The following TMX4 variants were observed in gnomAD, a reference collection of about 807,000 sequenced individuals.
TMX4 encodes the protein thioredoxin related transmembrane protein 4.
TMX4 carries 23 observed loss-of-function variants against 33.3 expected under a neutral mutation model. That is an observed-to-expected ratio of 0.69 (90% confidence interval 0.50 to 0.98). The LOEUF (loss-of-function observed/expected upper bound fraction) is 0.98. TMX4 is among the 50% of genes least tolerant of loss of function. TMX4 has a pLI of 0.00. For synonymous variants in TMX4, 164 were observed against 161.5 expected (o/e 1.02, Z -0.12); for missense variants, 399 against 448.9 (o/e 0.89, Z 1.01).
intron 1 of TMX4, among the ~76,000 whole-genome samples, chr20:8,018,521 AGAGAG>A (rs2050793276): frequency 4.8e-5 from 2 of 42,096 alleles, no homozygotes; most frequent in Non-Finnish European, 7.1e-5. Context: ...AGAGAGAGAG[AGAGAG>A]AGTCTGCAAG....
At chr20:7,997,697 C>T (rs1467518201) in intron 4 of TMX4, among the ~76,000 whole-genome samples, 2 of 152,232 alleles carry the variant, frequency 1.3e-5, no homozygotes, top group African/African-American at 4.8e-5. Flanking sequence ...CTCTCGTACT[C>T]CTTTGTTCAA....
chr20:7,983,745 T>C (rs1287770703), intron 7 of TMX4, 49 bp downstream of exon 7: 1 of 1,537,696 alleles, frequency 6.5e-7, no homozygotes, highest in Non-Finnish European at 9.0e-7. Flanking sequence ...AAAAGGCACA[T>C]CACAGAATTC....
At position 7,979,314 on chromosome 20, in the gene TMX4, T is replaced by C. The variant is rs1342414974; in HGVS notation, c.*2937A>G. On this transcript the variant is annotated 3_prime_UTR_variant, in exon 8 of 8. Coordinates refer to ENST00000246024, the MANE Select transcript of TMX4 (RefSeq NM_021156.4). ...ATTTTGTTGGAAAAAAACCCATCTT[T>C]GCCATGATGTTAAAAAAGGGAAAAT... 6.6e-6 allele frequency: 1 copy of C among 152,184 alleles called. No individual in the cohort carries two copies. The highest frequency in any genetic ancestry group is 1.5e-5 in the Non-Finnish European group (1 of 68,022). 9.4% of individuals were successfully genotyped at this position (152,184 alleles called of 1,614,324 possible).
intron 2 of TMX4, among the ~76,000 whole-genome samples, chr20:8,009,558 T>C (rs1300086761): frequency 6.6e-6 from 1 of 152,140 alleles, no homozygotes; most frequent in Non-Finnish European, 1.5e-5. Flanking sequence ...GGTGATAGCA[T>C]ATCCCTTCTA....
At chr20:7,991,337 T>A (rs1298460315) in intron 5 of TMX4, among the ~76,000 whole-genome samples, 1 of 152,220 alleles carries the variant, frequency 6.6e-6, no homozygotes, top group Non-Finnish European at 1.5e-5. Flanking sequence ...TTTAAATACA[T>A]TTAAATGCTA....
chr20:8,019,750 C>G lies in TMX4; in HGVS notation c.-137G>C, dbSNP rs1008426603. ...CCCCGCCTACGCCTAGCGGCGCAGA[C>G]TGGCGGTGCTCGCAATGCCGCGGAG... On this transcript the variant is annotated 5_prime_UTR_variant, in exon 1 of 8. Coordinates refer to ENST00000246024, the MANE Select transcript of TMX4 (RefSeq NM_021156.4). 3.0e-5 allele frequency: 22 copies of G among 727,020 alleles called. No individual in the cohort carries two copies. The highest frequency in any genetic ancestry group is 4.0e-5 in the Non-Finnish European group (21 of 522,654). The allele number at this position is 727,020 out of a possible 1,614,324, so 45.0% of individuals were successfully genotyped here.
At position 7,982,293 on chromosome 20, in the gene TMX4, G is replaced by C; in HGVS notation, c.1008C>G (p.Ser336=). ...CATGCTGACTTTTACGCTGCCTCAAGGAGTCTTCCACCACCTCTGTGTCAG... is the reference window on the plus strand; with the variant it reads ...CATGCTGACTTTTACGCTGCCTCAACGAGTCTTCCACCACCTCTGTGTCAG... ...CPADTEVVED[S]LRQRKSQHAD... is the part of the protein sequence containing the mutation. Residue 336 remains serine (S), a synonymous_variant, in exon 8 of 8, where the codon TCC becomes TCG. Coordinates refer to ENST00000246024, the MANE Select transcript of TMX4 (RefSeq NM_021156.4). 1.2e-6 allele frequency: 2 copies of C among 1,614,040 alleles called. No individual in the cohort carries two copies. Among genetic ancestry groups the C allele is most frequent in the East Asian group, 2.2e-5 (1 of 44,860 alleles).
At chr20:8,015,839 T>C (rs1283119030) in intron 1 of TMX4, among the ~76,000 whole-genome samples, 2 of 152,220 alleles carry the variant, frequency 1.3e-5, no homozygotes, top group Non-Finnish European at 2.9e-5. Flanking sequence ...TTTTGAAACA[T>C]GATCATTCCA....
At chr20:8,009,926 T>TTGAA (rs892887749) in intron 2 of TMX4, among the ~76,000 whole-genome samples, 2 of 148,084 alleles carry the variant, frequency 1.4e-5, no homozygotes, top group African/African-American at 5.0e-5. Flanking sequence ...TGCTAAAGAA[T>TTGAA]TGAAGGGTAA....
At chr20:8,010,099 G>C in intron 2 of TMX4, 101 bp downstream of exon 2, 1 of 896,730 alleles carries the variant, frequency 1.1e-6, no homozygotes, top group Non-Finnish European at 1.8e-6. Flanking sequence ...CAGTTCATGG[G>C]TAATCAATAT....
At chr20:8,003,426 A>G (rs2050715511) in intron 2 of TMX4, among the ~76,000 whole-genome samples, 1 of 152,142 alleles carries the variant, frequency 6.6e-6, no homozygotes, top group South Asian at 2.1e-4. Context: ...GTGATTTTTT[A>G]ACTTGCTCTT....
intron 4 of TMX4, among the ~76,000 whole-genome samples, chr20:7,998,781 A>C (rs2122866070): frequency 6.6e-6 from 1 of 152,206 alleles, no homozygotes; most frequent in East Asian, 1.9e-4. Context: ...TATCATTCAG[A>C]TCTCACCTAG....
chr20:7,985,540 C>A (rs1297430505), intron 6 of TMX4, among the ~76,000 whole-genome samples: 4 of 151,918 alleles, frequency 2.6e-5, no homozygotes, highest in African/African-American at 9.7e-5. Context: ...CCCAGAGTGC[C>A]AGGATTACAG....
intron 5 of TMX4, among the ~76,000 whole-genome samples, chr20:7,991,080 GGCTT>G (rs2050652641): frequency 6.6e-6 from 1 of 152,176 alleles, no homozygotes; most frequent in African/African-American, 2.4e-5. Context: ...AAATGTTCAT[GGCTT>G]TTAATTCTCA....
intron 5 of TMX4, among the ~76,000 whole-genome samples, chr20:7,991,051 C>A (rs1431330254): frequency 6.6e-6 from 1 of 152,160 alleles, no homozygotes; most frequent in Non-Finnish European, 1.5e-5. Flanking sequence ...TTAAAATACA[C>A]TTTGTTCTTC....
At chr20:8,011,616 G>A (rs1412769134) in intron 1 of TMX4, among the ~76,000 whole-genome samples, 1 of 152,086 alleles carries the variant, frequency 6.6e-6, no homozygotes, top group Non-Finnish European at 1.5e-5. Context: ...AAGACTAGGG[G>A]AAGGAATGCA....
intron 3 of TMX4, among the ~76,000 whole-genome samples, chr20:8,000,245 C>G (rs928912373): frequency 6.6e-6 from 1 of 151,854 alleles, no homozygotes; most frequent in African/African-American, 2.4e-5. Flanking sequence ...CGTTCAAGGC[C>G]CTCTCCTCAA....
chr20:8,005,935 T>G (rs555675200), intron 2 of TMX4, among the ~76,000 whole-genome samples: 41 of 152,280 alleles, frequency 2.7e-4, no homozygotes, highest in African/African-American at 9.6e-4. Context: ...GCACTCATTC[T>G]CCAAGCCCAC....
intron 5 of TMX4, among the ~76,000 whole-genome samples, chr20:7,987,969 G>C (rs2050637893): frequency 6.6e-6 from 1 of 152,126 alleles, no homozygotes; most frequent in Non-Finnish European, 1.5e-5. Context: ...AGCAGTCTTT[G>C]AATAGAGTGT....
Sources: allele counts gnomAD v4.1 joint callset (sites outside exome capture counted in the v4.1 genomes callset), GRCh38; gene constraint gnomAD v4.1.1; transcripts MANE v1.5; gene names NCBI Gene and HGNC (gene_info 2026-07-23, HGNC 2026-07-21).